Variants in MTUS2 observed in about 807,000 individuals in gnomAD.
The protein encoded by MTUS2 is microtubule associated scaffold protein 2.
In MTUS2, 40 loss-of-function variants were observed where a neutral mutation model predicts 114.1. The ratio of observed to expected loss-of-function variants is 0.35; its 90% CI spans 0.27 to 0.46. The LOEUF is 0.46. MTUS2 is among the 20% of genes least tolerant of loss of function. MTUS2 has a pLI of 1.00. For synonymous variants in MTUS2, 688 were observed against 672.0 expected, an observed-to-expected ratio of 1.02 and a Z score of -0.37; for missense variants, 1,679 against 1,705.4, an observed-to-expected ratio of 0.98 and a Z score of 0.27.
At chr13:29,179,016 T>G (rs972632009) in intron 5 of MTUS2, among the ~76,000 whole-genome samples, 27 of 152,238 alleles carry the variant, frequency 1.8e-4, no homozygotes, top group Admixed American at 1.7e-3. Flanking sequence ...TACTTTCCAC[T>G]GTTCAGTTAC....
chr13:29,497,547 G>T (rs982127840), intron 13 of MTUS2: 1 of 581,262 alleles, frequency 1.7e-6, no homozygotes, highest in Non-Finnish European at 3.1e-6. Context: ...CTCCAGCTAC[G>T]TGTTATTTTT....
At chr13:29,363,200 C>G (rs1870415182) in intron 8 of MTUS2, among the ~76,000 whole-genome samples, 1 of 152,174 alleles carries the variant, frequency 6.6e-6, no homozygotes, top group African/African-American at 2.4e-5. Flanking sequence ...CCTGGTGGCT[C>G]TCCCATGAAA....
intron 7 of MTUS2, among the ~76,000 whole-genome samples, chr13:29,325,491 GGA>G (rs1566131921): frequency 3.9e-5 from 1 of 25,756 alleles, no homozygotes; most frequent in Non-Finnish European, 1.4e-4. Context: ...AGAGGAAGAG[GGA>G]GGAGGAGGAG....
rs1335658 is a variant in MTUS2 at position 29,298,067 on chromosome 13, G to A, written c.2806+16202G>A. On this transcript the variant is annotated intron_variant, in intron 6 of 15. Coordinates refer to ENST00000612955, the MANE Select transcript of MTUS2 (RefSeq NM_001033602.4). ...TCCATATAATTTTACACTAATAGTG[G>A]GGCTGTACCTGTTGACTTTTCTAAC... 4.7e-3 allele frequency among the ~76,000 whole-genome samples: 708 copies of A among 152,222 alleles called. 8 individuals are homozygous for A. Among genetic ancestry groups the A allele is most frequent in the African/African-American group, 0.016 (674 of 41,542 alleles).
intron 2 of MTUS2, among the ~76,000 whole-genome samples, chr13:29,015,527 C>T (rs576763955): frequency 1.2e-4 from 18 of 152,212 alleles, no homozygotes; most frequent in African/African-American, 4.3e-4. Context: ...CATGCTGGAG[C>T]TTAAGAGTTC....
Position 29,389,349 on chromosome 13 carries a change from G to A in MTUS2, c.3117+29876G>A, listed in dbSNP as rs1475083174. 2.0e-3 allele frequency among the ~76,000 whole-genome samples: 154 copies of A among 78,352 alleles called. 26 individuals carry two copies. Among genetic ancestry groups the A allele is most frequent in the South Asian group, 8.4e-3 (20 of 2,384 alleles). The allele number at this position is 78,352 out of a possible 152,430, so 51.4% of individuals were successfully genotyped here. On this transcript the variant is annotated intron_variant, in intron 8 of 15. Coordinates refer to ENST00000612955, the MANE Select transcript of MTUS2 (RefSeq NM_001033602.4). The stretch of plus-strand genomic sequence containing the variant: ...TGTGTGTATATATGTATGCACGTGT[G>A]TGTATATATGTATGCACGTGTGTGT...
At chr13:29,123,470 A>G (rs1033910629) in intron 5 of MTUS2, among the ~76,000 whole-genome samples, 8 of 152,244 alleles carry the variant, frequency 5.3e-5, no homozygotes, top group Admixed American at 2.0e-4. Flanking sequence ...TAATCCTAGC[A>G]TTTTGGGAGG....
At chr13:29,263,145 CTT>C (rs1344652773) in intron 5 of MTUS2, among the ~76,000 whole-genome samples, 1 of 152,196 alleles carries the variant, frequency 6.6e-6, no homozygotes, top group Non-Finnish European at 1.5e-5. Flanking sequence ...ATATGGCACT[CTT>C]ATTACTGTTA....
At chr13:29,178,693 A>T (rs192426177) in intron 5 of MTUS2, among the ~76,000 whole-genome samples, 4,533 of 151,860 alleles carry the variant, frequency 0.03, 90 homozygotes, top group Admixed American at 0.066. Context: ...AAAAAAAAAA[A>T]ATTTTTTTCT....
At chr13:29,277,806 G>A (rs1898122293) in intron 5 of MTUS2, among the ~76,000 whole-genome samples, 1 of 152,142 alleles carries the variant, frequency 6.6e-6, no homozygotes, top group Non-Finnish European at 1.5e-5. Flanking sequence ...CTGTCTACCA[G>A]CTGACTGTTA....
intron 8 of MTUS2, among the ~76,000 whole-genome samples, chr13:29,411,569 A>G (rs1046739576): frequency 6.6e-6 from 1 of 152,198 alleles, no homozygotes; most frequent in Admixed American, 6.5e-5. Flanking sequence ...TGCTTTTGCC[A>G]AATGAACTTT....
intron 5 of MTUS2, among the ~76,000 whole-genome samples, chr13:29,204,358 C>T (rs931670026): frequency 2.0e-5 from 3 of 152,178 alleles, no homozygotes; most frequent in Non-Finnish European, 4.4e-5. Context: ...CACCAGGCTG[C>T]GGATGGGCCG....
intron 4 of MTUS2, among the ~76,000 whole-genome samples, chr13:29,059,065 T>G (rs901254575): frequency 2.0e-5 from 3 of 152,146 alleles, no homozygotes; most frequent in Non-Finnish European, 4.4e-5. Context: ...TCCTGTCATT[T>G]CAGCCTTCTC....
chr13:29,144,980 A>G (rs1463180416), intron 5 of MTUS2, among the ~76,000 whole-genome samples: 2 of 152,190 alleles, frequency 1.3e-5, no homozygotes, highest in African/African-American at 4.8e-5. Context: ...ATTATCAGAC[A>G]TGTTATTCAT....
At chr13:28,965,169 CTTTATAA>C (rs1408226554) in intron 2 of MTUS2, among the ~76,000 whole-genome samples, 1 of 152,138 alleles carries the variant, frequency 6.6e-6, no homozygotes, top group East Asian at 1.9e-4. Flanking sequence ...TGGCACATTT[CTTTATAA>C]TTTACAAAGT....
At chr13:28,913,019 C>A (rs192426228) in intron 2 of MTUS2, among the ~76,000 whole-genome samples, 196 of 152,210 alleles carry the variant, frequency 1.3e-3, no homozygotes, top group African/African-American at 4.5e-3. Flanking sequence ...TGGGCTGAGA[C>A]GATGGGGTTT....
intron 6 of MTUS2, among the ~76,000 whole-genome samples, chr13:29,284,406 A>AAAG (rs1898395918): frequency 6.6e-6 from 1 of 152,058 alleles, no homozygotes; most frequent in Non-Finnish European, 1.5e-5. Flanking sequence ...ATTTTTTAAA[A>AAAG]AAAAAAAATG....
chr13:29,206,017 A>G (rs58757648), intron 5 of MTUS2, among the ~76,000 whole-genome samples: 13 of 152,192 alleles, frequency 8.5e-5, no homozygotes, highest in Admixed American at 8.5e-4. Context: ...ACTAGTTTAC[A>G]TTCCCATCAG....
At chr13:28,975,482 TCCCCTGCGGCAGCATC>T (rs374530253) in intron 2 of MTUS2, among the ~76,000 whole-genome samples, 103,477 of 140,468 alleles carry the variant, frequency 0.74, 35,480 homozygotes, top group African/African-American at 0.79. Flanking sequence ...AGCATCGCCC[TCCCCTGCGGCAGCATC>T]GCCCTCCCCT....
Sources: gnomAD v4.1 joint callset for allele counts (sites outside exome capture counted in the v4.1 genomes callset) on GRCh38, gnomAD v4.1.1 for gene constraint, MANE v1.5 for transcripts, NCBI Gene and HGNC (gene_info 2026-07-23, HGNC 2026-07-21) for gene names.